The following OSBPL9 variants were observed in gnomAD, a reference collection of about 807,000 sequenced individuals.
OSBPL9 encodes the protein oxysterol-binding protein-related protein 9.
OSBPL9 carries 40 observed loss-of-function variants against 106.6 expected under a neutral mutation model. The observed-to-expected ratio is 0.38, with a 90% confidence interval of 0.29 to 0.49. The LOEUF (loss-of-function observed/expected upper bound fraction) is 0.49, where lower values mean the gene tolerates loss of function less well. Ranked by LOEUF, OSBPL9 falls within the 20% of genes least tolerant of loss-of-function variation. The pLI, the probability that OSBPL9 is intolerant of heterozygous loss-of-function variation, is 0.97. For synonymous variants in OSBPL9, 269 were observed against 295.4 expected (o/e 0.91, Z 0.92); for missense variants, 609 against 887.2 (o/e 0.69, Z 3.98).
chr1:51,535,510 A>G, the OSBPL9 span, among the ~76,000 whole-genome samples: 1 of 152,072 alleles, frequency 6.6e-6, no homozygotes, highest in East Asian at 1.9e-4. Flanking sequence ...AGTTATCTCC[A>G]TACTGTTTCT....
chr1:51,780,944 A>G (rs1019295239), intron 15 of OSBPL9, among the ~76,000 whole-genome samples: 6 of 152,162 alleles, frequency 3.9e-5, no homozygotes, highest in African/African-American at 9.7e-5. Flanking sequence ...CCTGTTCCCC[A>G]AAAACCTGTT....
At chr1:51,584,771 C>G (rs1200467422) in intron 1 of OSBPL9, among the ~76,000 whole-genome samples, 2 of 152,042 alleles carry the variant, frequency 1.3e-5, no homozygotes, top group African/African-American at 4.8e-5. Context: ...CCTTGCACAT[C>G]CTCTGGTTGC....
chr1:51,714,435 T>C (rs964067951), intron 4 of OSBPL9, among the ~76,000 whole-genome samples: 2 of 152,098 alleles, frequency 1.3e-5, no homozygotes, highest in Non-Finnish European at 1.5e-5. Flanking sequence ...TACTGAGAAG[T>C]TCACCTCATT....
In OSBPL9 at chr1:51,617,407, C is replaced by T. The variant is rs189492436; in HGVS notation, c.111+186C>T. On this transcript the variant is annotated intron_variant, in intron 1 of 23. Transcript: ENST00000428468. Reference sequence around the variant, plus strand: ...CCAATGAGGGTGAGGGAGAGAGGGGCGCAGCCAATAAATAGAAACTAGCTG... The same window carrying T: ...CCAATGAGGGTGAGGGAGAGAGGGGTGCAGCCAATAAATAGAAACTAGCTG... Among the ~76,000 whole-genome samples, 5 of 152,052 alleles carry T rather than the reference C, an allele frequency of 3.3e-5. 1 individual carries two copies. The highest frequency in any genetic ancestry group is 1.2e-4 in the African/African-American group (5 of 41,468).
chr1:51,566,006 C>G, the OSBPL9 span: 4 of 152,168 alleles, frequency 2.6e-5, no homozygotes, highest in Non-Finnish European at 4.4e-5. Context: ...CACACATTCC[C>G]CATATTGATA....
intron 3 of OSBPL9, among the ~76,000 whole-genome samples, chr1:51,680,319 A>G (rs1245169794): frequency 1.3e-5 from 2 of 152,058 alleles, no homozygotes; most frequent in African/African-American, 4.8e-5. Context: ...TCTAAGTATT[A>G]TGTCATGATC....
intron 1 of OSBPL9, among the ~76,000 whole-genome samples, chr1:51,587,601 A>T (rs1270049496): frequency 1.3e-5 from 2 of 152,132 alleles, no homozygotes; most frequent in Non-Finnish European, 2.9e-5. Flanking sequence ...CAGGTACTTT[A>T]CCAGGTACAG....
intron 2 of OSBPL9, among the ~76,000 whole-genome samples, chr1:51,608,710 C>T (rs991799586): frequency 3.3e-5 from 5 of 151,830 alleles, no homozygotes; most frequent in Non-Finnish European, 7.4e-5. Flanking sequence ...TGCTCTTGTC[C>T]GCCTAACTAC....
intron 11 of OSBPL9, chr1:51,765,527 C>A: frequency 5.2e-6 from 1 of 192,214 alleles, no homozygotes; most frequent in Non-Finnish European, 1.1e-5. Flanking sequence ...CTTGCAACTC[C>A]ACAACTCATA....
the OSBPL9 span, chr1:51,562,113 T>C: frequency 1.3e-5 from 2 of 152,214 alleles, no homozygotes; most frequent in African/African-American, 2.4e-5. Context: ...CCAATTGATA[T>C]GGTTTGGATC....
upstream of OSBPL9, among the ~76,000 whole-genome samples, chr1:51,612,366 C>T (rs977731720): frequency 2.0e-5 from 3 of 152,212 alleles, no homozygotes; most frequent in Non-Finnish European, 4.4e-5. Flanking sequence ...TGTCCCAGCT[C>T]CTGTCCTTGA....
At chr1:51,752,374 T>G in intron 8 of OSBPL9, 1 of 293,966 alleles carries the variant, frequency 3.4e-6, no homozygotes. Flanking sequence ...TGGAAAGACT[T>G]TTCCTGACTC....
At chr1:51,595,226 T>C (rs1258785686) in intron 1 of OSBPL9, among the ~76,000 whole-genome samples, 1 of 152,104 alleles carries the variant, frequency 6.6e-6, no homozygotes, top group East Asian at 1.9e-4. Context: ...GGAGGGTCTC[T>C]AGGAGTTAGG....
At chr1:51,774,316 A>G (rs1674583207) in intron 14 of OSBPL9, among the ~76,000 whole-genome samples, 1 of 152,230 alleles carries the variant, frequency 6.6e-6, no homozygotes, top group Non-Finnish European at 1.5e-5. Flanking sequence ...AAAGCTTGTT[A>G]TATTATAAAT....
chr1:51,706,792 C>T (rs1658647014), intron 3 of OSBPL9, among the ~76,000 whole-genome samples: 1 of 151,884 alleles, frequency 6.6e-6, no homozygotes, highest in African/African-American at 2.4e-5. Flanking sequence ...TTCAGTTCTA[C>T]ATGTTTTCTA....
upstream of OSBPL9, among the ~76,000 whole-genome samples, chr1:51,612,906 GT>G (rs1643998407): frequency 6.6e-6 from 1 of 152,222 alleles, no homozygotes; most frequent in South Asian, 2.1e-4. Context: ...TGGTTCTGCT[GT>G]TTACTAGTTG....
intron 2 of OSBPL9, among the ~76,000 whole-genome samples, chr1:51,654,993 G>A (rs1301244628): frequency 2.0e-5 from 3 of 152,126 alleles, no homozygotes; most frequent in Non-Finnish European, 4.4e-5. Context: ...GAGATGGATG[G>A]TGATGATGGT....
At chr1:51,518,814 A>T in the OSBPL9 span, among the ~76,000 whole-genome samples, 1 of 151,574 alleles carries the variant, frequency 6.6e-6, no homozygotes, top group Non-Finnish European at 1.5e-5. Context: ...GCTCAACAGG[A>T]GCTCACCTGG....
chr1:51,590,228 A>G (rs1645267691), intron 1 of OSBPL9, among the ~76,000 whole-genome samples: 1 of 152,124 alleles, frequency 6.6e-6, no homozygotes, highest in South Asian at 2.1e-4. Context: ...ACAAAGGGAA[A>G]GCAGAAACAG....
Sources: gnomAD v4.1 joint callset for allele counts (sites outside exome capture counted in the v4.1 genomes callset) on GRCh38, gnomAD v4.1.1 for gene constraint, MANE v1.5 for transcripts, NCBI Gene and HGNC (gene_info 2026-07-23, HGNC 2026-07-21) for gene names.